The following FRMD3 variants were observed in gnomAD, a reference collection of about 807,000 sequenced individuals.
FRMD3 encodes the protein FERM domain-containing protein 3.
In FRMD3, 33 loss-of-function variants were observed where a neutral mutation model predicts 70.2. The ratio of observed to expected loss-of-function variants is 0.47; its 90% CI spans 0.36 to 0.63. FRMD3 has a LOEUF of 0.63. FRMD3 is among the 20% of genes least tolerant of loss of function. The pLI is 0.00. For missense variants in FRMD3, 632 were observed against 711.4 expected, an observed-to-expected ratio of 0.89 and a Z score of 1.27; for synonymous variants, 279 against 255.9, an observed-to-expected ratio of 1.09 and a Z score of -0.86.
At chr9:83,281,180 C>T (rs1379218850) in intron 13 of FRMD3, among the ~76,000 whole-genome samples, 1 of 152,228 alleles carries the variant, frequency 6.6e-6, no homozygotes. Context: ...ATCTACTTAA[C>T]ACTCACTACC....
chr9:83,551,216 T>C, the FRMD3 span, among the ~76,000 whole-genome samples: 2 of 152,234 alleles, frequency 1.3e-5, no homozygotes, highest in Non-Finnish European at 2.9e-5. Context: ...AAGCCTTTTC[T>C]GCATCTATTA....
chr9:83,534,307 C>T (rs1829847289), intron 1 of FRMD3, among the ~76,000 whole-genome samples: 1 of 152,222 alleles, frequency 6.6e-6, no homozygotes, highest in African/African-American at 2.4e-5. Context: ...CCAGTGACTT[C>T]CACATCTCTT....
intron 10 of FRMD3, among the ~76,000 whole-genome samples, chr9:83,306,702 T>C (rs1835149226): frequency 6.6e-6 from 1 of 151,982 alleles, no homozygotes; most frequent in African/African-American, 2.4e-5. Context: ...TTTCAATGCC[T>C]GAGATCTTCA....
chr9:83,422,951 G>A (rs1263759945), intron 1 of FRMD3, among the ~76,000 whole-genome samples: 2 of 152,216 alleles, frequency 1.3e-5, no homozygotes, highest in African/African-American at 4.8e-5. Context: ...GCCAGGGAAC[G>A]AATGCTTAAG....
At chr9:83,448,434 G>C (rs76682849) in intron 1 of FRMD3, among the ~76,000 whole-genome samples, 2,270 of 152,262 alleles carry the variant, frequency 0.015, 62 homozygotes, top group African/African-American at 0.052. Flanking sequence ...CGTGGCAGCA[G>C]AGCCTAACCC....
intron 3 of FRMD3, among the ~76,000 whole-genome samples, chr9:83,353,288 A>G (rs11140042): frequency 4.4e-3 from 542 of 123,368 alleles, no homozygotes; most frequent in Non-Finnish European, 4.9e-3. Context: ...GGGGTGGGGG[A>G]GGGGGGGCAC....
intron 3 of FRMD3, among the ~76,000 whole-genome samples, chr9:83,353,014 G>A (rs1824213201): frequency 6.6e-6 from 1 of 152,190 alleles, no homozygotes; most frequent in South Asian, 2.1e-4. Flanking sequence ...GAGAAGGGAT[G>A]AGAGCTGGCG....
intron 1 of FRMD3, among the ~76,000 whole-genome samples, chr9:83,410,867 G>A (rs552263747): frequency 1.3e-4 from 20 of 152,140 alleles, no homozygotes; most frequent in Admixed American, 7.2e-4. Flanking sequence ...GCTCTGACTC[G>A]TCCCGGCTCA....
At chr9:83,419,063 C>T (rs1396139430) in intron 1 of FRMD3, among the ~76,000 whole-genome samples, 2 of 152,056 alleles carry the variant, frequency 1.3e-5, no homozygotes, top group Admixed American at 1.3e-4. Context: ...TATGTTCTCA[C>T]TTGTAAGTGG....
At chr9:83,301,489 A>C (rs1444285502) in intron 10 of FRMD3, among the ~76,000 whole-genome samples, 2 of 151,386 alleles carry the variant, frequency 1.3e-5, no homozygotes, top group East Asian at 3.9e-4. Flanking sequence ...TTTTAATTCC[A>C]AGTTCCTAAA....
chr9:83,331,806 G>A, intron 6 of FRMD3: 1 of 716,546 alleles, frequency 1.4e-6, no homozygotes, highest in South Asian at 1.5e-5. Flanking sequence ...AATGAGTTGT[G>A]AGGGCCATTA....
At chr9:83,376,061 G>A (rs1460885426) in intron 2 of FRMD3, among the ~76,000 whole-genome samples, 1 of 151,648 alleles carries the variant, frequency 6.6e-6, no homozygotes, top group Non-Finnish European at 1.5e-5. Context: ...TCGGGAGGCT[G>A]AGACAGGAGA....
In FRMD3 at chr9:83,460,807, T is replaced by C. The variant is rs185820694; in HGVS notation, c.148-71099A>G. Among the ~76,000 whole-genome samples the C allele has an allele frequency of 1.6e-4, 25 of 152,212 alleles. No individual in the cohort carries two copies. In the East Asian group the frequency reaches 4.2e-3, roughly 26 times the overall value. Reference sequence around the variant, plus strand: ...TTTTGTTTATTCTTCCACTTAAAAATATATAAGCAAAGTATCCCAATTTTT... The same window carrying C: ...TTTTGTTTATTCTTCCACTTAAAAACATATAAGCAAAGTATCCCAATTTTT... On this transcript the variant is annotated intron_variant, in intron 1 of 13. Transcript: ENST00000304195.
intron 1 of FRMD3, among the ~76,000 whole-genome samples, chr9:83,499,498 C>A (rs954740820): frequency 5.3e-5 from 8 of 152,188 alleles, no homozygotes; most frequent in African/African-American, 1.9e-4. Flanking sequence ...TCACTTTCCA[C>A]TCCTGCCTAC....
chr9:83,578,062 T>C, the FRMD3 span, among the ~76,000 whole-genome samples: 2 of 151,544 alleles, frequency 1.3e-5, no homozygotes, highest in African/African-American at 4.8e-5. Flanking sequence ...TGCTAACAAA[T>C]TGGATAATCT....
At chr9:83,307,962 A>G (rs947254444) in intron 10 of FRMD3, among the ~76,000 whole-genome samples, 1 of 152,202 alleles carries the variant, frequency 6.6e-6, no homozygotes, top group Admixed American at 6.5e-5. Flanking sequence ...CCGAAGGCCA[A>G]CTGGTCTCCT....
rs1829935738 is a variant in FRMD3 at position 83,537,978 on chromosome 9, C to T, written c.147+107G>A. ...TCGAAATCTGGCTTTCTAGCAGTCC[C>T]CCAATCCCCTCCGGGAGTGGGTTCC... On this transcript the variant is annotated intron_variant, in intron 1 of 13. Transcript: ENST00000304195. This position sits in a 1 kb window ranked among gnomAD's most constrained non-coding sequence, Gnocchi z 4.1. The T allele has an allele frequency of 1.5e-6, 2 of 1,311,606 alleles. No individual in the cohort carries two copies. The highest frequency in any genetic ancestry group is 2.1e-6 in the Non-Finnish European group (2 of 945,862). 81.2% of individuals were successfully genotyped at this position (1,311,606 alleles called of 1,614,324 possible).
chr9:83,528,671 A>G (rs1829733888), intron 1 of FRMD3, among the ~76,000 whole-genome samples: 1 of 152,044 alleles, frequency 6.6e-6, no homozygotes, highest in South Asian at 2.1e-4. Context: ...CTGGGACTAC[A>G]GGCACGCACC....
chr9:83,316,626 CTTTATGTAT>C (rs1316340356), intron 6 of FRMD3, among the ~76,000 whole-genome samples: 3 of 152,140 alleles, frequency 2.0e-5, no homozygotes, highest in African/African-American at 4.8e-5. Context: ...TAGAGAATAT[CTTTATGTAT>C]TCATCCCAAT....
Sources: allele counts gnomAD v4.1 joint callset (sites outside exome capture counted in the v4.1 genomes callset), GRCh38; gene constraint gnomAD v4.1.1; non-coding constraint Gnocchi (gnomAD v3.1); transcripts MANE v1.5; gene names NCBI Gene and HGNC (gene_info 2026-07-23, HGNC 2026-07-21).